The following MYLK variants were observed in gnomAD, a reference collection of about 807,000 sequenced individuals.
MYLK encodes the protein myosin light chain kinase, also known as myosin light chain kinase, smooth muscle.
In MYLK, 106 loss-of-function variants were observed where a neutral mutation model predicts 203.4. The ratio of observed to expected loss-of-function variants is 0.52; its 90% CI spans 0.45 to 0.61. MYLK has a LOEUF of 0.61. MYLK is among the 20% of genes least tolerant of loss of function. The pLI is 0.00. For synonymous variants in MYLK, 867 were observed against 959.5 expected (o/e 0.90, Z 1.78); for missense variants, 2,072 against 2,442.3 (o/e 0.85, Z 3.20).
At chr3:123,736,752 C>T (rs1358431409) in intron 8 of MYLK, among the ~76,000 whole-genome samples, 3 of 152,156 alleles carry the variant, frequency 2.0e-5, no homozygotes, top group East Asian at 1.9e-4. Flanking sequence ...GATGGCAAGA[C>T]GTTAGCAACA....
At chr3:123,783,319 C>G (rs2064372476) in intron 4 of MYLK, among the ~76,000 whole-genome samples, 1 of 152,176 alleles carries the variant, frequency 6.6e-6, no homozygotes, top group Admixed American at 6.6e-5. Context: ...AAAACCTCAC[C>G]TGTTTCCTCA....
At chr3:123,797,440 G>A (rs549901775) in intron 3 of MYLK, among the ~76,000 whole-genome samples, 90 of 152,174 alleles carry the variant, frequency 5.9e-4, no homozygotes, top group African/African-American at 2.1e-3. Flanking sequence ...TTTGTGTGGC[G>A]ACCGTAGAAA....
At chr3:123,722,981 G>A (rs953116681) in intron 12 of MYLK, among the ~76,000 whole-genome samples, 23 of 152,274 alleles carry the variant, frequency 1.5e-4, no homozygotes, top group South Asian at 6.2e-4. Flanking sequence ...ATGGAGACAG[G>A]AGTGCATGCA....
chr3:123,711,573 G>A (rs1454274633), intron 13 of MYLK, among the ~76,000 whole-genome samples: 8 of 152,180 alleles, frequency 5.3e-5, no homozygotes, highest in Non-Finnish European at 1.2e-4. Flanking sequence ...TGCCATCCAC[G>A]TCTCACAGGG....
At chr3:123,677,884 A>AATATATATATAT (rs3085284) in intron 20 of MYLK, among the ~76,000 whole-genome samples, 1,379 of 53,160 alleles carry the variant, frequency 0.026, 65 homozygotes, top group Non-Finnish European at 0.036. Flanking sequence ...TAAATAAATG[A>AATATATATATAT]ATATATATAT....
chr3:123,734,358 A>T (rs2062601936), intron 9 of MYLK, 136 bp from the exon 10 acceptor site: 1 of 859,862 alleles, frequency 1.2e-6, no homozygotes, highest in Non-Finnish European at 1.7e-6. Context: ...AAGGGCAAGT[A>T]AGAGCATCTT....
chr3:123,815,877 G>A (rs1367792646), intron 3 of MYLK, among the ~76,000 whole-genome samples: 3 of 152,102 alleles, frequency 2.0e-5, no homozygotes, highest in Non-Finnish European at 4.4e-5. Flanking sequence ...CATTCATCAC[G>A]TTTTTGAGAG....
In MYLK at chr3:123,666,183, C is replaced by A. The variant is rs112195434; in HGVS notation, c.3831+36G>T. Reference sequence around the variant, plus strand: ...GTCCAAAGGCTGTACGGATTATTCCCAGCACCCCCAGTGCCCACCCCATAC... The same window carrying A: ...GTCCAAAGGCTGTACGGATTATTCCAAGCACCCCCAGTGCCCACCCCATAC... On this transcript the variant is annotated intron_variant, in intron 22 of 33. Coordinates refer to ENST00000360304, the MANE Select transcript of MYLK (RefSeq NM_053025.4). The A allele has an allele frequency of 3.3e-5, 54 of 1,614,148 alleles. No individual in the cohort carries two copies. In the African/African-American group the frequency reaches 3.5e-4, roughly 10 times the overall value.
At chr3:123,840,311 T>C (rs1296585327) in intron 2 of MYLK, among the ~76,000 whole-genome samples, 2 of 151,198 alleles carry the variant, frequency 1.3e-5, no homozygotes, top group Non-Finnish European at 3.0e-5. Flanking sequence ...AAAAGAAAGA[T>C]GGTACAAAAA....
chr3:123,657,020 T>C, intron 24 of MYLK, 106 bp downstream of exon 24: 1 of 1,306,660 alleles, frequency 7.7e-7, no homozygotes, highest in Non-Finnish European at 1.1e-6. Context: ...CAGTCATCAT[T>C]AATGTTTCCT....
intron 2 of MYLK, among the ~76,000 whole-genome samples, chr3:123,846,949 A>T (rs1035512833): frequency 1.3e-5 from 2 of 152,084 alleles, no homozygotes; most frequent in African/African-American, 4.8e-5. Context: ...TAGTACTTTA[A>T]TATGTTGATA....
Position 123,672,207 on chromosome 3 carries a change from GGAGA to G in MYLK, c.3653-5024_3653-5021del, listed in dbSNP as rs3085308. 6.9e-3 allele frequency among the ~76,000 whole-genome samples: 1,009 copies of G among 146,046 alleles called. 10 individuals are homozygous for G. The highest frequency in any genetic ancestry group is 0.022 in the African/African-American group (883 of 39,588). Reference sequence around the variant, plus strand: ...AAGAAGAGAGACAGGGGCAGGGGGAGGAGAGAGAGAGAGAGAGAGAGAGAAAGGA... The same window carrying G: ...AAGAAGAGAGACAGGGGCAGGGGGAGGAGAGAGAGAGAGAGAGAGAAAGGA... On this transcript the variant is annotated intron_variant, in intron 20 of 33. Transcript: ENST00000360304.
rs545922625 is a variant in MYLK, at chr3:123,611,323, T to TA, written c.*2781dup. 835 of 152,320 alleles carry TA rather than the reference T, an allele frequency of 5.5e-3. 3 individuals are homozygous for TA. Among genetic ancestry groups the TA allele is most frequent in the African/African-American group, 0.02 (819 of 41,568 alleles). 9.4% of individuals were successfully genotyped at this position (152,320 alleles called of 1,614,324 possible). ...CAGACTTCCTGTAAAGCAGGACTGG[T>TA]AGTTTCCTGATAACAAATTCTTCAA... is the stretch of plus-strand genomic sequence containing the variant. On this transcript the variant is annotated 3_prime_UTR_variant, in exon 34 of 34. Coordinates refer to ENST00000360304, the MANE Select transcript of MYLK (RefSeq NM_053025.4).
At chr3:123,779,715 G>C (rs532340115) in intron 4 of MYLK, among the ~76,000 whole-genome samples, 1 of 152,270 alleles carries the variant, frequency 6.6e-6, no homozygotes, top group African/African-American at 2.4e-5. Flanking sequence ...ATCACTATCA[G>C]GACATAAGTC....
At chr3:123,756,662 A>G (rs1475310092) in intron 4 of MYLK, among the ~76,000 whole-genome samples, 1 of 152,096 alleles carries the variant, frequency 6.6e-6, no homozygotes, top group Non-Finnish European at 1.5e-5. Context: ...GTACCCTCTA[A>G]TCCTCCATAT....
At chr3:123,669,877 A>G (rs1362550080) in intron 20 of MYLK, among the ~76,000 whole-genome samples, 1 of 151,916 alleles carries the variant, frequency 6.6e-6, no homozygotes, top group African/African-American at 2.4e-5. Flanking sequence ...TCTACGAAAA[A>G]TAGAAAAATT....
chr3:123,723,115 G>A (rs1288109798), intron 12 of MYLK, among the ~76,000 whole-genome samples: 3 of 152,160 alleles, frequency 2.0e-5, no homozygotes, highest in Non-Finnish European at 4.4e-5. Context: ...GAGCAGGAAT[G>A]TGTCCAGCTG....
chr3:123,826,892 C>T (rs974420378), intron 3 of MYLK, among the ~76,000 whole-genome samples: 2 of 151,958 alleles, frequency 1.3e-5, no homozygotes, highest in African/African-American at 2.4e-5. Flanking sequence ...CCCACTGAAC[C>T]GACATCACAA....
intron 4 of MYLK, among the ~76,000 whole-genome samples, chr3:123,772,817 AC>A (rs1380231306): frequency 6.6e-5 from 10 of 152,160 alleles, no homozygotes; most frequent in Non-Finnish European, 8.8e-5. Flanking sequence ...CATTTAAAAA[AC>A]GTGTTAATAG....
Sources: allele counts gnomAD v4.1 joint callset (sites outside exome capture counted in the v4.1 genomes callset), GRCh38; gene constraint gnomAD v4.1.1; transcripts MANE v1.5; gene names NCBI Gene and HGNC (gene_info 2026-07-23, HGNC 2026-07-21).